LRRC3B: variants seen among roughly 807,000 people sequenced by gnomAD.
LRRC3B encodes leucine-rich repeat-containing protein 3B.
Under a neutral mutation model 12.8 loss-of-function variants are expected in LRRC3B, and 2 were observed. The ratio of observed to expected loss-of-function variants is 0.16; its 90% CI spans 0.06 to 0.49. The LOEUF is 0.49. LRRC3B is among the 20% of genes least tolerant of loss of function. The pLI, the probability that LRRC3B is intolerant of heterozygous loss-of-function variation, is 0.96. For synonymous variants in LRRC3B, 132 were observed against 122.0 expected (o/e 1.08, Z -0.54); for missense variants, 189 against 319.4 (o/e 0.59, Z 3.11).
At chr3:26,634,430 G>A (rs1263646235) in intron 1 of LRRC3B, among the ~76,000 whole-genome samples, 17 of 152,222 alleles carry the variant, frequency 1.1e-4, no homozygotes, top group Non-Finnish European at 1.5e-5. Context: ...AAAAACGTAG[G>A]TGTAGTTTTC....
intron 1 of LRRC3B, among the ~76,000 whole-genome samples, chr3:26,664,745 C>T (rs12635768): frequency 0.21 from 32,465 of 151,696 alleles, 3,836 homozygotes; most frequent in Admixed American, 0.31. Context: ...GTCTCGCCTC[C>T]GATTTGTTCC....
intron 1 of LRRC3B, chr3:26,625,569 G>C (rs1468166111): frequency 2.0e-5 from 3 of 152,170 alleles, no homozygotes; most frequent in Non-Finnish European, 4.4e-5. Flanking sequence ...CCCCCCCAAG[G>C]CTCATTTCTT....
At chr3:26,695,061 T>C (rs1700278124) in intron 1 of LRRC3B, among the ~76,000 whole-genome samples, 1 of 151,970 alleles carries the variant, frequency 6.6e-6, no homozygotes, top group South Asian at 2.1e-4. Flanking sequence ...TGTGTGTAGA[T>C]GCTTCTGTTC....
intron 1 of LRRC3B, among the ~76,000 whole-genome samples, chr3:26,691,128 T>C (rs1036755672): frequency 7.0e-6 from 1 of 143,294 alleles, no homozygotes; most frequent in African/African-American, 2.5e-5. Context: ...TATATATATA[T>C]ATATATGAGA....
chr3:26,671,548 A>G (rs964900535), intron 1 of LRRC3B, among the ~76,000 whole-genome samples: 1 of 148,920 alleles, frequency 6.7e-6, no homozygotes, highest in African/African-American at 2.5e-5. Context: ...CGCGCCACCA[A>G]GCCCAGCTAA....
intron 1 of LRRC3B, among the ~76,000 whole-genome samples, chr3:26,671,381 G>T (rs1230916963): frequency 1.2e-3 from 107 of 90,522 alleles, no homozygotes; most frequent in African/African-American, 2.8e-3. Flanking sequence ...TATAGAGAGA[G>T]AGAGAGAGAG....
intron 1 of LRRC3B, among the ~76,000 whole-genome samples, chr3:26,650,851 T>G (rs1216397292): frequency 6.6e-6 from 1 of 152,198 alleles, no homozygotes; most frequent in African/African-American, 2.4e-5. Context: ...CAGTTCCAGA[T>G]TTTTGTCTTG....
At chr3:26,640,413 A>G (rs1356893054) in intron 1 of LRRC3B, among the ~76,000 whole-genome samples, 8 of 139,242 alleles carry the variant, frequency 5.7e-5, no homozygotes, top group Non-Finnish European at 1.1e-4. Flanking sequence ...AGTCATTGTT[A>G]TGCCTTATAA....
chr3:26,665,484 C>T (rs7622332), intron 1 of LRRC3B, among the ~76,000 whole-genome samples: 107,467 of 151,948 alleles, frequency 0.71, 38,525 homozygotes, highest in East Asian at 0.87. Flanking sequence ...GTGTTTTCTT[C>T]TATTGTAATC....
chr3:26,658,491 G>A (rs1180217089), intron 1 of LRRC3B, among the ~76,000 whole-genome samples: 2 of 152,330 alleles, frequency 1.3e-5, no homozygotes, highest in East Asian at 1.9e-4. Context: ...AGTAGATCTA[G>A]GATGGGGCCA....
intron 1 of LRRC3B, among the ~76,000 whole-genome samples, chr3:26,679,798 C>T (rs947348356): frequency 6.6e-6 from 1 of 152,156 alleles, no homozygotes; most frequent in Non-Finnish European, 1.5e-5. Flanking sequence ...GGCTCAACAT[C>T]AAGAACAGTC....
chr3:26,629,767 T>C (rs1227856009), intron 1 of LRRC3B, among the ~76,000 whole-genome samples: 2 of 152,170 alleles, frequency 1.3e-5, no homozygotes, highest in African/African-American at 4.8e-5. Flanking sequence ...TCAGAAACAG[T>C]GTCTGTTAGT....
At chr3:26,658,736 C>G (rs558707206) in intron 1 of LRRC3B, among the ~76,000 whole-genome samples, 151 of 152,332 alleles carry the variant, frequency 9.9e-4, no homozygotes, top group African/African-American at 3.4e-3. Context: ...TTTCAATCTA[C>G]AGTATTTTTA....
intron 1 of LRRC3B, among the ~76,000 whole-genome samples, chr3:26,664,254 A>G (rs1015595441): frequency 6.6e-6 from 1 of 152,070 alleles, no homozygotes; most frequent in Non-Finnish European, 1.5e-5. Context: ...CACATTCAGG[A>G]GTGAGCTTGG....
chr3:26,692,209 T>G (rs1700206527), intron 1 of LRRC3B, among the ~76,000 whole-genome samples: 1 of 152,222 alleles, frequency 6.6e-6, no homozygotes, highest in Non-Finnish European at 1.5e-5. Context: ...AAATAAGTAC[T>G]GCGGTTACAC....
chr3:26,684,748 AG>A, intron 1 of LRRC3B, among the ~76,000 whole-genome samples: 1 of 152,328 alleles, frequency 6.6e-6, no homozygotes, highest in South Asian at 2.1e-4. Context: ...TGTGGATAGC[AG>A]TTAAATGTCA....
chr3:26,637,757 A>G (rs1698934893), intron 1 of LRRC3B, among the ~76,000 whole-genome samples: 2 of 151,792 alleles, frequency 1.3e-5, no homozygotes, highest in African/African-American at 2.4e-5. Flanking sequence ...TAGGATTACC[A>G]AGAGCAAGAC....
intron 1 of LRRC3B, among the ~76,000 whole-genome samples, chr3:26,629,609 G>A (rs1698709844): frequency 6.6e-6 from 1 of 152,186 alleles, no homozygotes; most frequent in South Asian, 2.1e-4. Context: ...TTCTCTAGAT[G>A]TCTGGCCATC....
chr3:26,676,176 G>A (rs1436359286), intron 1 of LRRC3B, among the ~76,000 whole-genome samples: 1 of 151,502 alleles, frequency 6.6e-6, no homozygotes, highest in Non-Finnish European at 1.5e-5. Context: ...TTGGTGTGCT[G>A]CACCCATTAA....
Sources: gnomAD v4.1 joint callset for allele counts (sites outside exome capture counted in the v4.1 genomes callset) on GRCh38, gnomAD v4.1.1 for gene constraint, MANE v1.5 for transcripts, NCBI Gene and HGNC (gene_info 2026-07-23, HGNC 2026-07-21) for gene names.